Variants in DISC1 observed in about 807,000 individuals in gnomAD.
DISC1 encodes DISC1 scaffold protein.
Under a neutral mutation model 84.5 loss-of-function variants are expected in DISC1, and 57 were observed. That is an observed-to-expected ratio of 0.67 (90% CI 0.55 to 0.84). The LOEUF (loss-of-function observed/expected upper bound fraction) is 0.84, where lower values mean the gene tolerates loss of function less well. DISC1 is among the 40% of genes least tolerant of loss of function. The pLI, the probability that DISC1 is intolerant of heterozygous loss-of-function variation, is 0.00. For synonymous variants in DISC1, 411 were observed against 415.2 expected, an observed-to-expected ratio of 0.99 and a Z score of 0.12; for missense variants, 1,000 against 1,057.8, an observed-to-expected ratio of 0.95 and a Z score of 0.76.
At chr1:231,957,760 C>T (rs987721245) in intron 9 of DISC1, among the ~76,000 whole-genome samples, 9 of 152,112 alleles carry the variant, frequency 5.9e-5, no homozygotes, top group Non-Finnish European at 1.3e-4. Context: ...TTTTAATTTC[C>T]ATCTAAATAT....
intron 9 of DISC1, among the ~76,000 whole-genome samples, chr1:231,895,430 G>GTA (rs148060139): frequency 0.19 from 27,732 of 149,306 alleles, 2,589 homozygotes; most frequent in Admixed American, 0.2. Context: ...ATGTGTGTGT[G>GTA]TATATATATA....
At chr1:231,768,568 A>G (rs2076326184) in intron 5 of DISC1, among the ~76,000 whole-genome samples, 1 of 152,160 alleles carries the variant, frequency 6.6e-6, no homozygotes, top group Admixed American at 6.5e-5. Context: ...TGTACAGAAA[A>G]TAATTTTAGC....
At chr1:231,785,752 G>C (rs954757047) in intron 6 of DISC1, among the ~76,000 whole-genome samples, 1 of 152,188 alleles carries the variant, frequency 6.6e-6, no homozygotes, top group Non-Finnish European at 1.5e-5. Context: ...GGAATGTAGG[G>C]AGAGGGTAGA....
intron 12 of DISC1, among the ~76,000 whole-genome samples, chr1:232,029,037 C>A (rs773788535): frequency 1.3e-5 from 2 of 152,140 alleles, no homozygotes; most frequent in Non-Finnish European, 2.9e-5. Flanking sequence ...CAGAAAGCAG[C>A]CATTGCCTAT....
intron 9 of DISC1, among the ~76,000 whole-genome samples, chr1:231,931,043 C>A (rs1452194569): frequency 6.6e-6 from 1 of 152,148 alleles, no homozygotes; most frequent in East Asian, 1.9e-4. Flanking sequence ...TGCTTTTGGT[C>A]CACTTCTATA....
chr1:231,888,250 T>C (rs2125998057), intron 9 of DISC1, among the ~76,000 whole-genome samples: 1 of 152,272 alleles, frequency 6.6e-6, no homozygotes, highest in East Asian at 1.9e-4. Context: ...GAAGAGCAAC[T>C]GCACGGCGTC....
At chr1:231,781,812 A>G (rs538136176) in intron 6 of DISC1, among the ~76,000 whole-genome samples, 1 of 152,326 alleles carries the variant, frequency 6.6e-6, no homozygotes, top group African/African-American at 2.4e-5. Context: ...TTGAGCTGAA[A>G]CTCTGGGAGA....
intron 10 of DISC1, among the ~76,000 whole-genome samples, chr1:231,981,364 A>G (rs1663582162): frequency 6.6e-6 from 1 of 152,236 alleles, no homozygotes; most frequent in African/African-American, 2.4e-5. Context: ...TATGTGAATA[A>G]TGAGGGAAAC....
chr1:231,681,781 C>G (rs548079957), intron 1 of DISC1, among the ~76,000 whole-genome samples: 1 of 151,958 alleles, frequency 6.6e-6, no homozygotes, highest in Admixed American at 6.6e-5. Context: ...CTGCAACCTC[C>G]GCCTCCTGGG....
chr1:232,018,871 G>A (rs1292680561), intron 11 of DISC1, among the ~76,000 whole-genome samples: 1 of 152,292 alleles, frequency 6.6e-6, no homozygotes, highest in Non-Finnish European at 1.5e-5. Flanking sequence ...AGATAAGGCT[G>A]TTCTTGGCTG....
chr1:231,916,084 A>C (rs1288083341), intron 9 of DISC1, among the ~76,000 whole-genome samples: 1 of 152,212 alleles, frequency 6.6e-6, no homozygotes, highest in African/African-American at 2.4e-5. Context: ...CAGTGAAGGA[A>C]GTCTCACTAA....
intron 9 of DISC1, among the ~76,000 whole-genome samples, chr1:231,918,353 G>C (rs771808009): frequency 3.3e-5 from 5 of 152,242 alleles, no homozygotes; most frequent in Non-Finnish European, 5.9e-5. Context: ...TAGACTCAGA[G>C]CTGAATGGTA....
intron 3 of DISC1, among the ~76,000 whole-genome samples, chr1:231,718,906 G>T (rs1383173649): frequency 6.6e-6 from 1 of 152,194 alleles, no homozygotes; most frequent in East Asian, 1.9e-4. Context: ...AGAAGGCTGA[G>T]GTGGAAGGAC....
chr1:231,686,187 G>T (rs1280455793), intron 1 of DISC1, among the ~76,000 whole-genome samples: 1 of 152,162 alleles, frequency 6.6e-6, no homozygotes, highest in Non-Finnish European at 1.5e-5. Flanking sequence ...CTGGGGTCTG[G>T]AGGATGGTGG....
intron 10 of DISC1, among the ~76,000 whole-genome samples, chr1:231,993,916 A>G (rs1665566236): frequency 6.6e-6 from 1 of 152,212 alleles, no homozygotes; most frequent in African/African-American, 2.4e-5. Flanking sequence ...CTACGGAGTG[A>G]TACAGGAAAA....
chr1:232,022,183 A>G (rs1483526466), intron 11 of DISC1, among the ~76,000 whole-genome samples: 3 of 152,142 alleles, frequency 2.0e-5, no homozygotes, highest in South Asian at 2.1e-4. Flanking sequence ...GTGTGTTGCT[A>G]TGACCACACC....
intron 3 of DISC1, chr1:231,702,488 T>C (rs1348048631): frequency 2.0e-6 from 2 of 986,964 alleles, no homozygotes; most frequent in Non-Finnish European, 2.4e-6. Flanking sequence ...GAACCAGAGA[T>C]AGGAAATGAG....
intron 3 of DISC1, among the ~76,000 whole-genome samples, chr1:231,713,680 G>GATATATATATATATATATAT (rs1200959736): frequency 4.1e-5 from 5 of 120,808 alleles, no homozygotes; most frequent in African/African-American, 1.7e-4. Context: ...TCATGAAGCA[G>GATATATATATATATATATAT]ATATATATAT....
At chr1:231,985,194 T>C (rs1293896516) in intron 10 of DISC1, among the ~76,000 whole-genome samples, 1 of 151,566 alleles carries the variant, frequency 6.6e-6, no homozygotes, top group Non-Finnish European at 1.5e-5. Flanking sequence ...GGCATGGTGG[T>C]GCATGCCTGT....
Sources: allele counts gnomAD v4.1 joint callset (sites outside exome capture counted in the v4.1 genomes callset), GRCh38; gene constraint gnomAD v4.1.1; transcripts MANE v1.5; gene names NCBI Gene and HGNC (gene_info 2026-07-23, HGNC 2026-07-21).